Variants in KCNB2 observed in about 807,000 individuals in gnomAD.
The protein encoded by KCNB2 is delayed rectifier potassium channel protein.
Under a neutral mutation model 61.5 loss-of-function variants are expected in KCNB2, and 15 were observed. That is an observed-to-expected ratio of 0.24 (90% confidence interval 0.16 to 0.38). KCNB2 has a LOEUF of 0.38. KCNB2 is among the 10% of genes least tolerant of loss of function. The probability of loss-of-function intolerance (pLI) is 1.00; values close to 1 mark genes in which losing one functional copy is unlikely to be tolerated. For missense variants in KCNB2, 828 were observed against 1,125.2 expected, an observed-to-expected ratio of 0.74 and a Z score of 3.78; for synonymous variants, 457 against 446.0, an observed-to-expected ratio of 1.02 and a Z score of -0.31.
intron 2 of KCNB2, among the ~76,000 whole-genome samples, chr8:72,783,432 G>A (rs1320119145): frequency 1.3e-5 from 2 of 152,006 alleles, no homozygotes; most frequent in East Asian, 1.9e-4. Context: ...AATCTCTCAG[G>A]CCCTTGAGTA....
At chr8:72,653,634 T>A (rs1453653747) in intron 2 of KCNB2, among the ~76,000 whole-genome samples, 1 of 152,128 alleles carries the variant, frequency 6.6e-6, no homozygotes, top group Non-Finnish European at 1.5e-5. Context: ...ACCTGCCGCT[T>A]GTTTCTATGA....
intron 2 of KCNB2, among the ~76,000 whole-genome samples, chr8:72,746,550 C>CTG (rs1563578167): frequency 1.3e-5 from 2 of 152,100 alleles, no homozygotes; most frequent in Non-Finnish European, 2.9e-5. Context: ...TCATGTCTGA[C>CTG]GGCCTAATGG....
At chr8:72,588,720 C>T (rs1807040442) in intron 2 of KCNB2, among the ~76,000 whole-genome samples, 1 of 149,920 alleles carries the variant, frequency 6.7e-6, no homozygotes, top group African/African-American at 2.4e-5. Context: ...ATAATGAGAC[C>T]CTGTCTCTAC....
chr8:72,806,772 G>A (rs1419329390), intron 2 of KCNB2, among the ~76,000 whole-genome samples: 1 of 152,200 alleles, frequency 6.6e-6, no homozygotes, highest in East Asian at 1.9e-4. Context: ...TAGTGGACAA[G>A]GATGGGTCTT....
At chr8:72,770,530 T>C (rs951958344) in intron 2 of KCNB2, among the ~76,000 whole-genome samples, 1 of 152,150 alleles carries the variant, frequency 6.6e-6, no homozygotes, top group Admixed American at 6.5e-5. Context: ...AGCAGTGAAG[T>C]ATTGGAGCAT....
intron 2 of KCNB2, among the ~76,000 whole-genome samples, chr8:72,715,890 A>T (rs1807429408): frequency 6.6e-6 from 1 of 152,234 alleles, no homozygotes; most frequent in South Asian, 2.1e-4. Flanking sequence ...TTTTGAAAAG[A>T]TCATCAAAAT....
chr8:72,812,238 A>G (rs1348675447), intron 2 of KCNB2, among the ~76,000 whole-genome samples: 1 of 152,064 alleles, frequency 6.6e-6, no homozygotes, highest in Non-Finnish European at 1.5e-5. Context: ...ACTGCCCTCC[A>G]GCCTGGGCTA....
chr8:72,923,867 G>A (rs1563425751), intron 2 of KCNB2, among the ~76,000 whole-genome samples: 1 of 152,156 alleles, frequency 6.6e-6, no homozygotes, highest in Non-Finnish European at 1.5e-5. Flanking sequence ...TCTTAAAAAT[G>A]TAGTTAATTA....
chr8:72,755,042 G>A (rs899293022), intron 2 of KCNB2, among the ~76,000 whole-genome samples: 9 of 152,126 alleles, frequency 5.9e-5, no homozygotes, highest in Non-Finnish European at 1.0e-4. Context: ...TGATGGGAAC[G>A]GCATTTTTCC....
At chr8:72,649,821 A>G (rs1452316879) in intron 2 of KCNB2, among the ~76,000 whole-genome samples, 1 of 152,170 alleles carries the variant, frequency 6.6e-6, no homozygotes, top group Non-Finnish European at 1.5e-5. Context: ...GACATGATCA[A>G]GTGATTAATA....
At chr8:72,666,654 T>C (rs1379290244) in intron 2 of KCNB2, among the ~76,000 whole-genome samples, 3 of 7,866 alleles carry the variant, frequency 3.8e-4, no homozygotes, top group Non-Finnish European at 7.6e-4. Flanking sequence ...AATAAAAAGT[T>C]TTTTTTTTTT....
chr8:72,801,976 A>T (rs1809140470), intron 2 of KCNB2, among the ~76,000 whole-genome samples: 1 of 152,250 alleles, frequency 6.6e-6, no homozygotes, highest in Non-Finnish European at 1.5e-5. Flanking sequence ...AATTTAAGTA[A>T]CTGATTTCCT....
chr8:72,671,250 G>T (rs1806559804), intron 2 of KCNB2, among the ~76,000 whole-genome samples: 1 of 152,122 alleles, frequency 6.6e-6, no homozygotes, highest in Non-Finnish European at 1.5e-5. Context: ...GGATAAATTG[G>T]ATGCAAATAC....
chr8:72,936,205 A>G lies in KCNB2; in HGVS notation c.850A>G (p.Thr284Ala). ...GCCGTACTATGTCACCATTTTTCTG[A>G]CGGAGTCCAACAAGAGCGTGCTGCA... ...ILPYYVTIFL[T>A]ESNKSVLQFQ... Residue 284 changes from threonine (T) to alanine (A), a missense_variant, in exon 3 of 3, where the codon ACG becomes GCG. This residue lies in a region of KCNB2 where 163 missense variants were observed against 314.4 expected (regional missense o/e 0.52). Coordinates refer to ENST00000523207, the MANE Select transcript of KCNB2 (RefSeq NM_004770.3). The surrounding 1 kb of genome is among the most constrained non-coding windows in gnomAD (Gnocchi z 5.6). 1 of 1,614,194 alleles carries G rather than the reference A, an allele frequency of 6.2e-7. No homozygotes were observed. The highest frequency in any genetic ancestry group is 8.5e-7 in the Non-Finnish European group (1 of 1,180,016).
intron 2 of KCNB2, among the ~76,000 whole-genome samples, chr8:72,640,730 A>G (rs1464151299): frequency 6.6e-6 from 1 of 152,166 alleles, no homozygotes; most frequent in East Asian, 1.9e-4. Flanking sequence ...TTTATAAACT[A>G]TTGATGTTAC....
At chr8:72,633,684 C>G (rs1805917494) in intron 2 of KCNB2, among the ~76,000 whole-genome samples, 1 of 152,150 alleles carries the variant, frequency 6.6e-6, no homozygotes, top group African/African-American at 2.4e-5. Flanking sequence ...TAGTCTCTTT[C>G]TATTGCAGAG....
intron 2 of KCNB2, among the ~76,000 whole-genome samples, chr8:72,797,756 G>A (rs1461785452): frequency 1.3e-5 from 2 of 152,158 alleles, no homozygotes; most frequent in Non-Finnish European, 2.9e-5. Flanking sequence ...TATGCCCACT[G>A]CTGTGAATAC....
At chr8:72,633,392 T>G (rs1267672585) in intron 2 of KCNB2, among the ~76,000 whole-genome samples, 1 of 152,188 alleles carries the variant, frequency 6.6e-6, no homozygotes, top group Non-Finnish European at 1.5e-5. Flanking sequence ...TGGTTTCTTT[T>G]GGGTAATCCA....
At chr8:72,772,593 G>A (rs1808578887) in intron 2 of KCNB2, among the ~76,000 whole-genome samples, 1 of 152,134 alleles carries the variant, frequency 6.6e-6, no homozygotes, top group Non-Finnish European at 1.5e-5. Flanking sequence ...GGACTTCCCA[G>A]AAGACCTTCT....
Sources: gnomAD v4.1 joint callset for allele counts (sites outside exome capture counted in the v4.1 genomes callset) on GRCh38, gnomAD v4.1.1 for gene constraint, gnomAD v4.1.1 regional missense constraint, Gnocchi (gnomAD v3.1) non-coding constraint, MANE v1.5 for transcripts, NCBI Gene and HGNC (gene_info 2026-07-23, HGNC 2026-07-21) for gene names.